The following ANKDD1A variants were observed in gnomAD, a reference collection of about 807,000 sequenced individuals.
The protein encoded by ANKDD1A is ankyrin repeat and death domain containing 1A, also known as ankyrin repeat and death domain-containing protein 1A.
In ANKDD1A, 59 loss-of-function variants were observed where a neutral mutation model predicts 63.5. The ratio of observed to expected loss-of-function variants is 0.93; its 90% CI spans 0.75 to 1.15. ANKDD1A has a LOEUF of 1.15. Ranked by LOEUF, ANKDD1A falls within the 50% of genes most tolerant of loss-of-function variation. ANKDD1A has a pLI of 0.00. For missense variants in ANKDD1A, 632 were observed against 656.4 expected, an observed-to-expected ratio of 0.96 and a Z score of 0.41; for synonymous variants, 266 against 263.9, an observed-to-expected ratio of 1.01 and a Z score of -0.08.
At chr15:64,935,573 G>A (rs546612052) in intron 9 of ANKDD1A, among the ~76,000 whole-genome samples, 1 of 152,196 alleles carries the variant, frequency 6.6e-6, no homozygotes, top group African/African-American at 2.4e-5. Context: ...TACTCAGGAG[G>A]CTGAGGCAGG....
chr15:64,915,635 C>T (rs2084963182), intron 1 of ANKDD1A, among the ~76,000 whole-genome samples, 162 bp from the exon 2 acceptor site: 1 of 152,138 alleles, frequency 6.6e-6, no homozygotes, highest in Admixed American at 6.5e-5. Context: ...TGGGGAGGAC[C>T]CTGACCTTGA....
At chr15:64,935,500 C>A (rs1312598810) in intron 9 of ANKDD1A, among the ~76,000 whole-genome samples, 2 of 151,858 alleles carry the variant, frequency 1.3e-5, no homozygotes, top group Non-Finnish European at 2.9e-5. Context: ...ATGGTGAAAC[C>A]CCATCTCTAC....
intron 4 of ANKDD1A, among the ~76,000 whole-genome samples, chr15:64,924,521 C>T (rs1275979962): frequency 2.6e-5 from 4 of 152,232 alleles, no homozygotes; most frequent in Non-Finnish European, 5.9e-5. Flanking sequence ...ATTCATCTTA[C>T]CTATAGATGC....
intron 1 of ANKDD1A, chr15:64,913,993 CTTTTTTTTT>C (rs151279671): frequency 1.4e-5 from 2 of 145,100 alleles, no homozygotes; most frequent in African/African-American, 5.2e-5. Flanking sequence ...TTTCTGTTTT[CTTTTTTTTT>C]TTTTGAGATG....
intron 1 of ANKDD1A, chr15:64,914,248 A>C (rs2084953698): frequency 6.6e-6 from 1 of 152,180 alleles, no homozygotes; most frequent in Non-Finnish European, 1.5e-5. Context: ...GGCCTCCCAA[A>C]GAGCTGGGAT....
At chr15:64,953,324 T>C (rs909625119) in intron 14 of ANKDD1A, among the ~76,000 whole-genome samples, 8 of 150,878 alleles carry the variant, frequency 5.3e-5, no homozygotes, top group African/African-American at 1.9e-4. Context: ...CTTTCTTCTT[T>C]CCTTCTTATT....
At chr15:64,946,637 C>A (rs747327169) in intron 12 of ANKDD1A, among the ~76,000 whole-genome samples, 1 of 152,158 alleles carries the variant, frequency 6.6e-6, no homozygotes, top group Admixed American at 6.5e-5. Flanking sequence ...GAGGTAGGGG[C>A]CAGACATCAG....
intron 9 of ANKDD1A, among the ~76,000 whole-genome samples, chr15:64,935,329 G>C (rs7171408): frequency 6.6e-6 from 1 of 151,456 alleles, no homozygotes; most frequent in Non-Finnish European, 1.5e-5. Context: ...CTAGGAGTTC[G>C]AGACCAGCCT....
At position 64,921,910 on chromosome 15, in the gene ANKDD1A, C is replaced by A; in HGVS notation, c.268-11C>A. The A allele has an allele frequency of 1.9e-6, 3 of 1,613,264 alleles. No homozygotes were observed. Among genetic ancestry groups the A allele is most frequent in the Non-Finnish European group, 1.7e-6 (2 of 1,179,256 alleles). Reference sequence around the variant, plus strand: ...ACATTCTTCTCACCTCCTCTATGTCCTCTCCCCTAGTTTGGGATGAATGCG... The same window carrying A: ...ACATTCTTCTCACCTCCTCTATGTCATCTCCCCTAGTTTGGGATGAATGCG... On this transcript the variant is annotated splice_polypyrimidine_tract_variant and intron_variant, in intron 3 of 14. Transcript: ENST00000319580.
At chr15:64,952,643 C>CTTCTTTCTTCT (rs2085315428) in intron 14 of ANKDD1A, among the ~76,000 whole-genome samples, 14 of 114,320 alleles carry the variant, frequency 1.2e-4, no homozygotes, top group Middle Eastern at 4.5e-3. Flanking sequence ...CTTTCTTCTT[C>CTTCTTTCTTCT]TCCTTCTCCT....
chr15:64,912,137 C>T (rs2084936079), intron 1 of ANKDD1A, among the ~76,000 whole-genome samples, 173 bp downstream of exon 1: 1 of 152,140 alleles, frequency 6.6e-6, no homozygotes, highest in South Asian at 2.1e-4. Context: ...CCGAGGGGAC[C>T]TTGCCAGTGC....
intron 4 of ANKDD1A, among the ~76,000 whole-genome samples, chr15:64,925,023 TCGAA>T: frequency 6.6e-6 from 1 of 152,070 alleles, no homozygotes; most frequent in Non-Finnish European, 1.5e-5. Context: ...GTTCGGGAGT[TCGAA>T]ACCAGCCTAG....
intron 12 of ANKDD1A, among the ~76,000 whole-genome samples, chr15:64,946,885 G>A (rs1023349973): frequency 6.6e-6 from 1 of 152,126 alleles, no homozygotes; most frequent in African/African-American, 2.4e-5. Context: ...GCTTCTGTGG[G>A]CATCATTTAT....
chr15:64,913,358 C>G (rs2084946632), intron 1 of ANKDD1A, among the ~76,000 whole-genome samples: 1 of 152,162 alleles, frequency 6.6e-6, no homozygotes, highest in Admixed American at 6.5e-5. Context: ...TGGCAGCTCT[C>G]TTTGGCTACC....
intron 14 of ANKDD1A, 50 bp downstream of exon 14, chr15:64,950,022 C>G: frequency 1.3e-6 from 2 of 1,594,292 alleles, no homozygotes; most frequent in Non-Finnish European, 1.7e-6. Context: ...GTGGCCCCCA[C>G]TGGAATGCAG....
intron 1 of ANKDD1A, among the ~76,000 whole-genome samples, chr15:64,913,653 T>G (rs1478102568): frequency 1.3e-5 from 2 of 152,158 alleles, no homozygotes; most frequent in African/African-American, 4.8e-5. Context: ...CCCAGAAAGC[T>G]CAAGATCCTC....
At chr15:64,942,311 A>G (rs1477523742) in intron 9 of ANKDD1A, among the ~76,000 whole-genome samples, 156 bp from the exon 10 acceptor site, 1 of 152,048 alleles carries the variant, frequency 6.6e-6, no homozygotes, top group East Asian at 1.9e-4. Flanking sequence ...AAGCTTTGGG[A>G]CCATAATTGC....
In ANKDD1A at chr15:64,915,832, C is replaced by T. The variant is rs778135533; in HGVS notation, c.70C>T (p.Arg24Cys). The T allele has an allele frequency of 1.3e-5, 21 of 1,613,876 alleles. No individual in the cohort carries two copies. In the East Asian group the frequency reaches 2.0e-4, roughly 15 times the overall value. The change falls in exon 2 of 15, where the codon CGC (arginine) becomes TGC (cysteine). Residue 24 changes from arginine (R) to cysteine (C), a missense_variant. Physicochemically the swap from Arg to Cys is radical, Grantham distance 180. Transcript: ENST00000319580. ...PLERQLHEAA[R>C]QNNVGRMQEL... ...GGAGAGGCAGCTCCACGAGGCCGCC[C>T]GCCAGAACAATGTCGGCAGGATGCA...
intron 14 of ANKDD1A, among the ~76,000 whole-genome samples, chr15:64,954,862 TCTC>T (rs1555398159): frequency 1.4e-4 from 2 of 14,284 alleles, no homozygotes; most frequent in Non-Finnish European, 1.0e-3. Context: ...TCTTCTTTCT[TCTC>T]CTTTTCTTCT....
Sources: allele counts gnomAD v4.1 joint callset (sites outside exome capture counted in the v4.1 genomes callset), GRCh38; gene constraint gnomAD v4.1.1; transcripts MANE v1.5; gene names NCBI Gene and HGNC (gene_info 2026-07-23, HGNC 2026-07-21).